The following ZNF704 variants were observed in gnomAD, a reference collection of about 807,000 sequenced individuals.
ZNF704 encodes the protein zinc finger protein 704.
In ZNF704, 10 loss-of-function variants were observed where a neutral mutation model predicts 44.7. The ratio of observed to expected loss-of-function variants is 0.22; its 90% CI spans 0.14 to 0.38. The LOEUF (loss-of-function observed/expected upper bound fraction) is 0.38. Ranked by LOEUF, ZNF704 falls within the 10% of genes least tolerant of loss-of-function variation. The pLI is 1.00. For synonymous variants in ZNF704, 211 were observed against 207.6 expected, an observed-to-expected ratio of 1.02 and a Z score of -0.14; for missense variants, 390 against 545.5, an observed-to-expected ratio of 0.71 and a Z score of 2.84.
chr8:80,682,979 G>C (rs1178056172), intron 4 of ZNF704, among the ~76,000 whole-genome samples: 1 of 152,162 alleles, frequency 6.6e-6, no homozygotes, highest in Non-Finnish European at 1.5e-5. Flanking sequence ...GCATGGAAAG[G>C]GCACACAAAT....
At chr8:80,697,267 A>G (rs1818741418) in intron 2 of ZNF704, among the ~76,000 whole-genome samples, 1 of 152,202 alleles carries the variant, frequency 6.6e-6, no homozygotes, top group South Asian at 2.1e-4. Context: ...AAGCGCATCC[A>G]TGGAACATTC....
chr8:80,823,932 T>C (rs1337010378), intron 1 of ZNF704, among the ~76,000 whole-genome samples: 1 of 152,084 alleles, frequency 6.6e-6, no homozygotes, highest in Admixed American at 6.5e-5. Context: ...GTCACCATCA[T>C]CAAAGACCAA....
chr8:80,843,510 G>C (rs909345740), intron 1 of ZNF704, among the ~76,000 whole-genome samples: 3 of 152,210 alleles, frequency 2.0e-5, no homozygotes, highest in African/African-American at 7.2e-5. Flanking sequence ...TTACACTCTA[G>C]CTTCAAAAGG....
chr8:80,697,265 C>T (rs1302760935), intron 2 of ZNF704, among the ~76,000 whole-genome samples: 2 of 152,034 alleles, frequency 1.3e-5, no homozygotes, highest in African/African-American at 2.4e-5. Context: ...CAAAGCGCAT[C>T]CATGGAACAT....
intron 2 of ZNF704, among the ~76,000 whole-genome samples, chr8:80,750,406 A>G (rs767566989): frequency 1.3e-5 from 2 of 152,236 alleles, no homozygotes; most frequent in Non-Finnish European, 2.9e-5. Context: ...ATTTAGTATA[A>G]CATATGCAAT....
rs540652847 is a variant in ZNF704 at position 80,761,047 on chromosome 8, T to C, written c.221+60327A>G. ...CCACCTTCAACACTGGGGACTACAATTCAACATGAGATTTGGGTGGAGACA... is the reference window on the plus strand; with the variant it reads ...CCACCTTCAACACTGGGGACTACAACTCAACATGAGATTTGGGTGGAGACA... On this transcript the variant is annotated intron_variant, in intron 2 of 8. Transcript: ENST00000327835. Among the ~76,000 whole-genome samples, 4 of 152,176 alleles carry C rather than the reference T, an allele frequency of 2.6e-5. No individual in the cohort carries two copies. In the South Asian group the frequency reaches 8.3e-4, roughly 32 times the overall value.
At chr8:80,660,568 G>A (rs928941311) in intron 6 of ZNF704, among the ~76,000 whole-genome samples, 2 of 151,640 alleles carry the variant, frequency 1.3e-5, no homozygotes, top group African/African-American at 4.8e-5. Flanking sequence ...TCAAAATGTT[G>A]TTAAAATGGC....
intron 7 of ZNF704, among the ~76,000 whole-genome samples, chr8:80,649,423 A>T (rs1441752944): frequency 6.6e-6 from 1 of 152,214 alleles, no homozygotes; most frequent in South Asian, 2.1e-4. Flanking sequence ...AGTCAAAGAA[A>T]GGGGTGACAG....
intron 7 of ZNF704, chr8:80,658,870 T>C (rs1036304392): frequency 1.3e-5 from 2 of 152,162 alleles, no homozygotes; most frequent in Admixed American, 6.5e-5. Context: ...AAGGTTAATA[T>C]CTGTTATCAT....
At chr8:80,666,078 A>C (rs1045973382) in intron 5 of ZNF704, among the ~76,000 whole-genome samples, 1 of 151,400 alleles carries the variant, frequency 6.6e-6, no homozygotes, top group Non-Finnish European at 1.5e-5. Context: ...CTCGTCATCT[A>C]GCATTAGGTA....
intron 1 of ZNF704, among the ~76,000 whole-genome samples, chr8:80,838,595 G>A (rs574359752): frequency 6.6e-6 from 1 of 150,974 alleles, no homozygotes; most frequent in Admixed American, 6.6e-5. Context: ...GGAGGAGGGG[G>A]AAGAGGAGGA....
intron 2 of ZNF704, among the ~76,000 whole-genome samples, chr8:80,769,443 T>C (rs564383715): frequency 1.3e-5 from 2 of 152,260 alleles, no homozygotes; most frequent in African/African-American, 4.8e-5. Context: ...AAGAGGTTTA[T>C]TGGACTTACA....
chr8:80,794,586 T>A (rs189352430), intron 2 of ZNF704, among the ~76,000 whole-genome samples: 20 of 152,338 alleles, frequency 1.3e-4, no homozygotes, highest in African/African-American at 4.1e-4. Flanking sequence ...CCAATATGTC[T>A]AACTTATTCT....
At chr8:80,701,741 G>C (rs1818814031) in intron 2 of ZNF704, among the ~76,000 whole-genome samples, 1 of 152,190 alleles carries the variant, frequency 6.6e-6, no homozygotes, top group South Asian at 2.1e-4. Flanking sequence ...GTGATGTAGA[G>C]AGATCAAGCC....
At chr8:80,798,640 C>T (rs578048017) in intron 2 of ZNF704, among the ~76,000 whole-genome samples, 5 of 152,290 alleles carry the variant, frequency 3.3e-5, no homozygotes, top group Non-Finnish European at 4.4e-5. Context: ...GTCTTCTTGT[C>T]TTCTAAGCCT....
At chr8:80,830,230 G>A in intron 1 of ZNF704, among the ~76,000 whole-genome samples, 1 of 152,108 alleles carries the variant, frequency 6.6e-6, no homozygotes, top group East Asian at 1.9e-4. Flanking sequence ...AAGACAGGAG[G>A]TAAAAGAGTA....
At chr8:80,839,888 C>T (rs1366124240) in intron 1 of ZNF704, among the ~76,000 whole-genome samples, 1 of 152,168 alleles carries the variant, frequency 6.6e-6, no homozygotes, top group Non-Finnish European at 1.5e-5. Flanking sequence ...AACAGACACA[C>T]ACACATCTCC....
At chr8:80,651,329 A>G (rs1746227158) in intron 7 of ZNF704, among the ~76,000 whole-genome samples, 1 of 152,218 alleles carries the variant, frequency 6.6e-6, no homozygotes, top group South Asian at 2.1e-4. Context: ...TTAACCTCAA[A>G]TGTAAATGGG....
rs1817552505 is a variant in ZNF704 at position 80,629,606 on chromosome 8, A to C, written c.*11760T>G. On this transcript the variant is annotated 3_prime_UTR_variant, in exon 9 of 9. Transcript: ENST00000327835. ...TTAGGGGAAAAAGTTTCATGAAAAT[A>C]TGAAATCAACAAGAGGGCTGAAGAA... is the stretch of plus-strand genomic sequence containing the variant. 6.6e-6 allele frequency: 1 copy of C among 152,234 alleles called. No homozygotes were observed. Among genetic ancestry groups the C allele is most frequent in the African/African-American group, 2.4e-5 (1 of 41,474 alleles). The allele number at this position is 152,234 out of a possible 1,614,324, so 9.4% of individuals were successfully genotyped here.
Sources: allele counts gnomAD v4.1 joint callset (sites outside exome capture counted in the v4.1 genomes callset), GRCh38; gene constraint gnomAD v4.1.1; transcripts MANE v1.5; gene names NCBI Gene and HGNC (gene_info 2026-07-23, HGNC 2026-07-21).